CADM2: variants seen among roughly 807,000 people sequenced by gnomAD.
The protein encoded by CADM2 is cell adhesion molecule 2.
A neutral mutation model predicts 49.8 loss-of-function variants in CADM2; 12 were observed. The ratio of observed to expected loss-of-function variants is 0.24; its 90% CI spans 0.15 to 0.39. The LOEUF (loss-of-function observed/expected upper bound fraction) is 0.39, where lower values mean the gene tolerates loss of function less well. CADM2 is among the 10% of genes least tolerant of loss of function. The pLI, the probability that CADM2 is intolerant of heterozygous loss-of-function variation, is 1.00. For missense variants in CADM2, 378 were observed against 492.3 expected (o/e 0.77, Z 2.20); for synonymous variants, 214 against 175.4 (o/e 1.22, Z -1.74).
chr3:85,894,512 T>C (rs1284029421), intron 5 of CADM2, among the ~76,000 whole-genome samples: 1 of 152,134 alleles, frequency 6.6e-6, no homozygotes, highest in Admixed American at 6.5e-5. Flanking sequence ...AACCCCATTT[T>C]CTGGGGAGAA....
chr3:85,862,320 T>G (rs1322196761), intron 3 of CADM2, among the ~76,000 whole-genome samples: 1 of 152,168 alleles, frequency 6.6e-6, no homozygotes, highest in Non-Finnish European at 1.5e-5. Flanking sequence ...TTATAATAAC[T>G]TAATAAGAGG....
chr3:85,676,745 G>A (rs943752096), intron 1 of CADM2, among the ~76,000 whole-genome samples: 3 of 151,428 alleles, frequency 2.0e-5, no homozygotes, highest in African/African-American at 7.3e-5. Context: ...TGTAAATACT[G>A]CTTTTTGTAT....
chr3:85,478,472 G>A (rs910846422), intron 1 of CADM2, among the ~76,000 whole-genome samples: 1 of 151,782 alleles, frequency 6.6e-6, no homozygotes, highest in African/African-American at 2.4e-5. Flanking sequence ...GTTTTTGAGT[G>A]GTAAAGATGT....
chr3:85,654,046 T>A (rs1046083085), intron 1 of CADM2, among the ~76,000 whole-genome samples: 1 of 152,198 alleles, frequency 6.6e-6, no homozygotes, highest in Non-Finnish European at 1.5e-5. Context: ...ACAAGAGCAG[T>A]TCAGTGGATT....
At chr3:85,325,814 T>G (rs1576352848) in intron 1 of CADM2, among the ~76,000 whole-genome samples, 1 of 152,136 alleles carries the variant, frequency 6.6e-6, no homozygotes. Flanking sequence ...ATTTCCCCAT[T>G]TAACAAATAT....
chr3:85,650,272 C>T (rs1309199499), intron 1 of CADM2, among the ~76,000 whole-genome samples: 3 of 152,130 alleles, frequency 2.0e-5, no homozygotes, highest in East Asian at 1.9e-4. Context: ...TAAGGAGAAG[C>T]GCTTTTGTGA....
chr3:84,974,802 A>G (rs1046188855), intron 1 of CADM2, among the ~76,000 whole-genome samples: 10 of 151,972 alleles, frequency 6.6e-5, no homozygotes, highest in Non-Finnish European at 1.3e-4. Flanking sequence ...AACATTTAAG[A>G]TAATATATTA....
At chr3:85,413,151 A>T (rs1427645578) in intron 1 of CADM2, among the ~76,000 whole-genome samples, 1 of 143,594 alleles carries the variant, frequency 7.0e-6, no homozygotes, top group African/African-American at 2.6e-5. Context: ...AAAAAAAAAA[A>T]AAAAAAAAAA....
In CADM2 at chr3:85,543,420, ATGTG is replaced by A. The variant is rs34654299; in HGVS notation, c.62-183068_62-183065del. Among the ~76,000 whole-genome samples the A allele has an allele frequency of 4.1e-3, 527 of 129,602 alleles. 2 individuals are homozygous for A. The highest frequency in any genetic ancestry group is 0.017 in the South Asian group (66 of 3,922). 85.0% of individuals were successfully genotyped at this position (129,602 alleles called of 152,430 possible). A position where few individuals can be genotyped will look rare whatever the true frequency, so the allele number is the denominator to read the frequency against. On this transcript the variant is annotated intron_variant, in intron 1 of 9. Coordinates refer to ENST00000383699, the MANE Select transcript of CADM2 (RefSeq NM_001167675.2). ...CAGGCACCGCCACCATGCCAAGCTA[ATGTG>A]TGTGTGTGTGTGTGTGTGTGTGTGT...
chr3:85,621,262 T>C (rs2063968464), intron 1 of CADM2, among the ~76,000 whole-genome samples: 1 of 152,122 alleles, frequency 6.6e-6, no homozygotes, highest in African/African-American at 2.4e-5. Flanking sequence ...AGATAATTAA[T>C]TTTGCTTTAG....
chr3:85,640,333 A>T (rs2064669643), intron 1 of CADM2, among the ~76,000 whole-genome samples: 1 of 152,226 alleles, frequency 6.6e-6, no homozygotes, highest in African/African-American at 2.4e-5. Flanking sequence ...ATCCATGTTT[A>T]AGAAGTGATT....
At chr3:84,998,425 G>A (rs2107204307) in intron 1 of CADM2, among the ~76,000 whole-genome samples, 1 of 152,158 alleles carries the variant, frequency 6.6e-6, no homozygotes, top group East Asian at 1.9e-4. Context: ...AATGCCTGAA[G>A]TACCCCTTTT....
intron 1 of CADM2, among the ~76,000 whole-genome samples, chr3:84,964,064 G>T (rs1242664879): frequency 6.6e-6 from 1 of 152,110 alleles, no homozygotes; most frequent in Non-Finnish European, 1.5e-5. Context: ...TTACTTCATT[G>T]TCTTTTTCCC....
At chr3:85,855,652 A>C (rs1235008409) in intron 3 of CADM2, among the ~76,000 whole-genome samples, 1 of 144,748 alleles carries the variant, frequency 6.9e-6, no homozygotes, top group Non-Finnish European at 1.5e-5. Context: ...TTTGAGACGG[A>C]GTTTCGCACT....
chr3:85,483,090 T>C (rs1432117039), intron 1 of CADM2, among the ~76,000 whole-genome samples: 1 of 151,510 alleles, frequency 6.6e-6, no homozygotes, highest in Non-Finnish European at 1.5e-5. Flanking sequence ...TTAAATAGTA[T>C]AGTATGGGTT....
intron 1 of CADM2, among the ~76,000 whole-genome samples, chr3:85,184,109 A>G (rs1195163085): frequency 6.6e-6 from 1 of 152,162 alleles, no homozygotes; most frequent in African/African-American, 2.4e-5. Context: ...GAAGCCAAGA[A>G]ATGAGAGTAG....
chr3:85,498,066 A>G (rs530507736), intron 1 of CADM2, among the ~76,000 whole-genome samples: 25 of 152,224 alleles, frequency 1.6e-4, no homozygotes, highest in Non-Finnish European at 2.8e-4. Flanking sequence ...TTTGGGGCCC[A>G]GCAGCACATG....
chr3:85,320,227 AG>A (rs764142507), intron 1 of CADM2, among the ~76,000 whole-genome samples: 6 of 152,216 alleles, frequency 3.9e-5, no homozygotes, highest in Non-Finnish European at 8.8e-5. Flanking sequence ...CCCACAGCAA[AG>A]AATCATCTGG....
intron 1 of CADM2, among the ~76,000 whole-genome samples, chr3:85,613,631 A>C (rs2107459971): frequency 6.6e-6 from 1 of 151,754 alleles, no homozygotes; most frequent in South Asian, 2.1e-4. Flanking sequence ...TTATAATAAT[A>C]ACTAATATAA....
Sources: allele counts gnomAD v4.1 joint callset (sites outside exome capture counted in the v4.1 genomes callset), GRCh38; gene constraint gnomAD v4.1.1; transcripts MANE v1.5; gene names NCBI Gene and HGNC (gene_info 2026-07-23, HGNC 2026-07-21).